CSMD1: variants seen among roughly 807,000 people sequenced by gnomAD.
CSMD1 encodes the protein CUB and Sushi multiple domains 1.
In CSMD1, 213 loss-of-function variants were observed where a neutral mutation model predicts 417.5. That is an observed-to-expected ratio of 0.51 (90% confidence interval 0.46 to 0.57). The LOEUF is 0.57. CSMD1 is among the 20% of genes least tolerant of loss of function. The probability of loss-of-function intolerance (pLI) is 0.00; values close to 1 mark genes in which losing one functional copy is unlikely to be tolerated. For synonymous variants in CSMD1, 2,862 were observed against 1,736.8 expected (o/e 1.65, Z -16.11); for missense variants, 6,923 against 4,529.7 (o/e 1.53, Z -15.17).
chr8:3,727,000 C>G (rs141472124), intron 6 of CSMD1, among the ~76,000 whole-genome samples: 7 of 152,292 alleles, frequency 4.6e-5, no homozygotes, highest in African/African-American at 1.7e-4. Flanking sequence ...ACTGTGAACA[C>G]AAACCCTCAA....
chr8:4,020,191 T>A (rs959562437), intron 4 of CSMD1, among the ~76,000 whole-genome samples: 2 of 152,166 alleles, frequency 1.3e-5, no homozygotes, highest in African/African-American at 4.8e-5. Flanking sequence ...GGCACTTTTA[T>A]ACACATAAAA....
chr8:3,806,886 G>C (rs1461566248), intron 5 of CSMD1, among the ~76,000 whole-genome samples: 1 of 152,184 alleles, frequency 6.6e-6, no homozygotes, highest in African/African-American at 2.4e-5. Flanking sequence ...AGTAGTTAGA[G>C]ACTTAATATA....
rs759789748 is a variant in CSMD1 at position 3,998,029 on chromosome 8, T to C, written c.692A>G (p.Asn231Ser). The change falls in exon 5 of 70, where the codon AAC becomes AGC. Residue 231 changes from asparagine (N) to serine (S), a missense_variant. By Grantham distance (46) the Asn-to-Ser change is conservative (BLOSUM62 1). Transcript: ENST00000635120. Reference protein sequence around the residue: ...SPHFPSEYENNADCTWTILAE... With the variant: ...SPHFPSEYENSADCTWTILAE... ...CAGAATGGTCCAGGTGCAGTCCGCG[T>C]TGTTCTCGTACTCTGAAGGGAAGTG... 4 of 1,605,322 alleles carry C rather than the reference T, an allele frequency of 2.5e-6. No individual in the cohort carries two copies. Among genetic ancestry groups the C allele is most frequent in the East Asian group, 2.2e-5 (1 of 44,598 alleles).
At position 3,399,516 on chromosome 8, in the gene CSMD1, T is replaced by A. The variant is rs544402145; in HGVS notation, c.2280A>T (p.Gly760=). ...TVPRCEAPCG[G]HLTASSGVIL... ...TGACTCCGCTGGACGCTGTCAGATG[T>A]CCACCACATGGAGCTAAAACAAGAC... The change falls in exon 16 of 70, where the codon GGA becomes GGT. Residue 760 remains glycine (G), a synonymous_variant. Transcript: ENST00000635120. 5.6e-6 allele frequency: 9 copies of A among 1,597,030 alleles called. No homozygotes were observed. Among genetic ancestry groups the A allele is most frequent in the Non-Finnish European group, 6.8e-6 (8 of 1,172,810 alleles).
At chr8:4,134,553 T>C (rs1210282282) in intron 3 of CSMD1, among the ~76,000 whole-genome samples, 2 of 152,232 alleles carry the variant, frequency 1.3e-5, no homozygotes, top group Non-Finnish European at 2.9e-5. Flanking sequence ...ACCTAGTCTG[T>C]GGCACATTGT....
chr8:4,038,371 A>T (rs759013799), intron 3 of CSMD1, among the ~76,000 whole-genome samples: 21 of 152,230 alleles, frequency 1.4e-4, no homozygotes, highest in Non-Finnish European at 2.6e-4. Flanking sequence ...AAAACTTGTA[A>T]ATTGTAAAAT....
At chr8:3,765,624 G>T (rs142588014) in intron 5 of CSMD1, among the ~76,000 whole-genome samples, 1 of 152,198 alleles carries the variant, frequency 6.6e-6, no homozygotes, top group East Asian at 1.9e-4. Context: ...AAGTTATTAA[G>T]AGAAGTGAAC....
In CSMD1 at chr8:4,061,006, G is replaced by C. The variant is rs532882701; in HGVS notation, c.416-28907C>G. Among the ~76,000 whole-genome samples, 8 of 152,290 alleles carry C rather than the reference G, an allele frequency of 5.3e-5. No homozygotes were observed. The East Asian group carries it at 1.2e-3, about 22-fold the overall frequency. On this transcript the variant is annotated intron_variant, in intron 3 of 69. Transcript: ENST00000635120. ...GCTTGTGAGCAAGCAAAGCAAAAAA[G>C]AGAATTAATTTCACAATACCCATTG... is the stretch of plus-strand genomic sequence containing the variant.
intron 2 of CSMD1, among the ~76,000 whole-genome samples, chr8:4,438,039 C>G (rs545131620): frequency 6.6e-6 from 1 of 152,268 alleles, no homozygotes; most frequent in African/African-American, 2.4e-5. Context: ...ACTTCCAAGC[C>G]TCTTAGCTAT....
At chr8:4,161,019 T>C (rs1164942858) in intron 3 of CSMD1, among the ~76,000 whole-genome samples, 2 of 152,174 alleles carry the variant, frequency 1.3e-5, no homozygotes, top group East Asian at 3.9e-4. Context: ...TCTTCTGGTT[T>C]GCATTAAATC....
At chr8:3,594,874 G>A (rs977355479) in intron 8 of CSMD1, among the ~76,000 whole-genome samples, 6 of 152,120 alleles carry the variant, frequency 3.9e-5, no homozygotes. Context: ...GCTTCTGAGA[G>A]CCCTGCAATA....
intron 42 of CSMD1, among the ~76,000 whole-genome samples, chr8:3,115,156 A>C (rs536120482): frequency 1.3e-5 from 2 of 152,128 alleles, no homozygotes; most frequent in African/African-American, 4.8e-5. Flanking sequence ...ATAAGTTAAT[A>C]AACCAAATTC....
chr8:3,090,264 C>A (rs1814846664), intron 48 of CSMD1, among the ~76,000 whole-genome samples: 1 of 138,414 alleles, frequency 7.2e-6, no homozygotes, highest in South Asian at 2.3e-4. Context: ...TTGCAGTGAG[C>A]CGAGATCGCA....
chr8:4,202,942 C>T (rs1033040852), intron 3 of CSMD1, among the ~76,000 whole-genome samples: 1 of 152,078 alleles, frequency 6.6e-6, no homozygotes. Context: ...GGCCTTATCT[C>T]TTTTTGCAGT....
intron 3 of CSMD1, among the ~76,000 whole-genome samples, chr8:4,123,030 G>C (rs529555017): frequency 1.9e-4 from 29 of 152,322 alleles, no homozygotes; most frequent in Admixed American, 5.2e-4. Context: ...TACAATCAGA[G>C]ACTGGAATTT....
At chr8:4,874,013 C>G (rs953668172) in intron 1 of CSMD1, among the ~76,000 whole-genome samples, 2 of 152,066 alleles carry the variant, frequency 1.3e-5, no homozygotes, top group Admixed American at 6.5e-5. Flanking sequence ...GTGTTGTAAT[C>G]GCATGATTAG....
chr8:3,160,266 G>T (rs995910639), intron 38 of CSMD1, among the ~76,000 whole-genome samples: 2 of 152,068 alleles, frequency 1.3e-5, no homozygotes, highest in Admixed American at 1.3e-4. Flanking sequence ...GGGACTAAAG[G>T]AATGCGCCGC....
At chr8:4,583,487 T>C (rs1214719997) in intron 2 of CSMD1, among the ~76,000 whole-genome samples, 1 of 152,090 alleles carries the variant, frequency 6.6e-6, no homozygotes, top group Non-Finnish European at 1.5e-5. Flanking sequence ...AACCTTTATG[T>C]CTAGCTCAGG....
At chr8:4,263,739 A>T (rs572100516) in intron 3 of CSMD1, among the ~76,000 whole-genome samples, 1 of 152,290 alleles carries the variant, frequency 6.6e-6, no homozygotes, top group Non-Finnish European at 1.5e-5. Flanking sequence ...CTGGATTTTT[A>T]TGTATGTGTT....
Sources: allele counts gnomAD v4.1 joint callset (sites outside exome capture counted in the v4.1 genomes callset), GRCh38; gene constraint gnomAD v4.1.1; transcripts MANE v1.5; gene names NCBI Gene and HGNC (gene_info 2026-07-23, HGNC 2026-07-21).